The following MARCHF11 variants were observed in gnomAD, a reference collection of about 807,000 sequenced individuals.
MARCHF11 encodes E3 ubiquitin-protein ligase MARCHF11.
A neutral mutation model predicts 37.3 loss-of-function variants in MARCHF11; 29 were observed. The ratio of observed to expected loss-of-function variants is 0.78; its 90% confidence interval spans 0.58 to 1.06. MARCHF11 has a LOEUF of 1.06. Ranked by LOEUF, MARCHF11 falls within the 50% of genes least tolerant of loss-of-function variation. The pLI is 0.00. For missense variants in MARCHF11, 482 were observed against 533.4 expected (o/e 0.90, Z 0.95); for synonymous variants, 233 against 228.0 (o/e 1.02, Z -0.20).
intron 2 of MARCHF11, among the ~76,000 whole-genome samples, chr5:16,135,038 G>A (rs989732432): frequency 1.5e-4 from 21 of 138,108 alleles, no homozygotes; most frequent in African/African-American, 4.7e-4. Flanking sequence ...ATGCAAACAC[G>A]CACACATAGT....
Position 16,067,723 on chromosome 5 carries a change from C to G in MARCHF11, c.957G>C (p.Trp319Cys). 3 of 1,613,854 alleles carry G rather than the reference C, an allele frequency of 1.9e-6. No homozygotes were observed. Among genetic ancestry groups the G allele is most frequent in the Non-Finnish European group, 2.5e-6 (3 of 1,179,838 alleles). ...FKRWRAVNLH[W>C]DVLNYDKATD... ...TGGCTTTGTCATAATTTAACACATC[C>G]CAGTGCAAATTCACAGCTCGCCAGC... Residue 319 changes from tryptophan (W) to cysteine (C), a missense_variant, in exon 4 of 4, where the codon TGG (tryptophan) becomes TGC (cysteine). Transcript: ENST00000332432.
intron 2 of MARCHF11, among the ~76,000 whole-genome samples, chr5:16,174,015 G>C (rs1738315583): frequency 6.6e-6 from 1 of 152,146 alleles, no homozygotes; most frequent in Non-Finnish European, 1.5e-5. Context: ...TTTATAGAAA[G>C]TTTAAAATTT....
chr5:16,140,729 T>A (rs981568042), intron 2 of MARCHF11, among the ~76,000 whole-genome samples: 56 of 152,300 alleles, frequency 3.7e-4, no homozygotes, highest in African/African-American at 1.3e-3. Flanking sequence ...AACAAAATTG[T>A]GCAACACTGT....
At chr5:16,098,425 C>T (rs958661215) in intron 2 of MARCHF11, among the ~76,000 whole-genome samples, 1 of 152,242 alleles carries the variant, frequency 6.6e-6, no homozygotes, top group African/African-American at 2.4e-5. Context: ...AGGGAATTTA[C>T]AAGAAAACCT....
chr5:16,110,407 C>G (rs1307470440), intron 2 of MARCHF11, among the ~76,000 whole-genome samples: 1 of 152,102 alleles, frequency 6.6e-6, no homozygotes, highest in African/African-American at 2.4e-5. Flanking sequence ...AGTCCACCTA[C>G]TTTTGCATTT....
At chr5:16,140,682 G>A (rs141951638) in intron 2 of MARCHF11, among the ~76,000 whole-genome samples, 9 of 152,188 alleles carry the variant, frequency 5.9e-5, no homozygotes, top group African/African-American at 2.2e-4. Flanking sequence ...CTTCCCTTAC[G>A]TTCTCAACAT....
chr5:16,160,125 T>G lies in MARCHF11; in HGVS notation c.693+17601A>C, dbSNP rs1738045697. ...CTGCTTTCAGATACATTAATCCAAATAAGTGATATTCTCTAAAGAATTTTT... is the reference window on the plus strand; with the variant it reads ...CTGCTTTCAGATACATTAATCCAAAGAAGTGATATTCTCTAAAGAATTTTT... On this transcript the variant is annotated intron_variant, in intron 2 of 3. Coordinates refer to ENST00000332432, the MANE Select transcript of MARCHF11 (RefSeq NM_001102562.3). 2.0e-5 allele frequency among the ~76,000 whole-genome samples: 3 copies of G among 151,210 alleles called. No individual in the cohort carries two copies. In the South Asian group the frequency reaches 6.2e-4, roughly 31 times the overall value.
At chr5:16,101,205 C>G (rs1198994334) in intron 2 of MARCHF11, among the ~76,000 whole-genome samples, 1 of 152,026 alleles carries the variant, frequency 6.6e-6, no homozygotes, top group Non-Finnish European at 1.5e-5. Context: ...CTTATTAGTC[C>G]AGATTTAACA....
intron 3 of MARCHF11, among the ~76,000 whole-genome samples, chr5:16,074,263 G>A (rs1379070572): frequency 6.6e-6 from 1 of 152,092 alleles, no homozygotes; most frequent in Non-Finnish European, 1.5e-5. Flanking sequence ...GGTGCCAAGA[G>A]GAAAGTTCAT....
intron 2 of MARCHF11, among the ~76,000 whole-genome samples, chr5:16,127,458 G>A (rs990912686): frequency 6.6e-6 from 1 of 152,164 alleles, no homozygotes; most frequent in African/African-American, 2.4e-5. Context: ...TGAGCAAACG[G>A]AACTTTTTAC....
intron 3 of MARCHF11, among the ~76,000 whole-genome samples, chr5:16,080,633 C>A (rs1736592351): frequency 6.6e-6 from 1 of 152,178 alleles, no homozygotes; most frequent in Admixed American, 6.5e-5. Flanking sequence ...CCCAGTCAGC[C>A]TCTGTGAATG....
At position 16,086,209 on chromosome 5, in the gene MARCHF11, AT is replaced by A. The variant is rs1004965572; in HGVS notation, c.886+4679del. Among the ~76,000 whole-genome samples the A allele has an allele frequency of 3.9e-4, 60 of 152,176 alleles. 1 individual carries two copies. The highest frequency in any genetic ancestry group is 3.1e-3 in the Admixed American group (48 of 15,282). ...CTATTTTCTCAACACCATGTACAGT[AT>A]GATCTCACTTATAAATAAAATGCGG... On this transcript the variant is annotated intron_variant, in intron 3 of 3. Transcript: ENST00000332432.
rs561598460 is a variant in MARCHF11, at chr5:16,121,614, C to T, written c.694-30533G>A. Among the ~76,000 whole-genome samples, 61 of 152,254 alleles carry T rather than the reference C, an allele frequency of 4.0e-4. No homozygotes were observed. The Middle Eastern group carries it at 0.01, about 25-fold the overall frequency. ...TGAAGAGGTGACATTTGAGTGGATA[C>T]CTGAATAAATTCAAGTTCTTCTAAT... On this transcript the variant is annotated intron_variant, in intron 2 of 3. Coordinates refer to ENST00000332432, the MANE Select transcript of MARCHF11 (RefSeq NM_001102562.3).
In MARCHF11 at chr5:16,179,416, C is replaced by A; in HGVS notation, c.160G>T (p.Ala54Ser). The A allele has an allele frequency of 8.9e-7, 1 of 1,124,800 alleles. No homozygotes were observed. The highest frequency in any genetic ancestry group is 1.1e-6 in the Non-Finnish European group (1 of 920,536). The allele number at this position is 1,124,800 out of a possible 1,614,324, so 69.7% of individuals were successfully genotyped here. Residue 54 changes from alanine (A) to serine (S), a missense_variant, in exon 1 of 4, where the codon GCG becomes TCG. Transcript: ENST00000332432. ...AAPRYLPPLP[A>S]SPETPERAAG... The stretch of plus-strand genomic sequence containing the variant: ...GCGCGCTCGGGGGTCTCGGGGGACG[C>A]GGGCAGCGGCGGCAGGTAGCGCGGG...
intron 2 of MARCHF11, among the ~76,000 whole-genome samples, chr5:16,140,483 G>A (rs560820245): frequency 2.0e-5 from 3 of 152,158 alleles, no homozygotes; most frequent in East Asian, 1.9e-4. Context: ...TACCCCTCCC[G>A]AAATGCACCA....
At chr5:16,101,842 G>A (rs1736964038) in intron 2 of MARCHF11, among the ~76,000 whole-genome samples, 1 of 152,154 alleles carries the variant, frequency 6.6e-6, no homozygotes, top group African/African-American at 2.4e-5. Flanking sequence ...AGTTCATGTA[G>A]GCCAATGCAA....
At chr5:16,119,894 C>T (rs1007860316) in intron 2 of MARCHF11, among the ~76,000 whole-genome samples, 2 of 152,204 alleles carry the variant, frequency 1.3e-5, no homozygotes, top group African/African-American at 2.4e-5. Context: ...AATGAATGCG[C>T]TTAAAATGCA....
chr5:16,080,161 T>G (rs1736583839), intron 3 of MARCHF11, among the ~76,000 whole-genome samples: 1 of 152,214 alleles, frequency 6.6e-6, no homozygotes. Flanking sequence ...CCAGCCATTC[T>G]CAATTCACTG....
At chr5:16,081,338 T>A (rs1194341013) in intron 3 of MARCHF11, among the ~76,000 whole-genome samples, 1 of 152,182 alleles carries the variant, frequency 6.6e-6, no homozygotes, top group Non-Finnish European at 1.5e-5. Context: ...TGTCACAACT[T>A]CTCATCAACA....
Sources: allele counts gnomAD v4.1 joint callset (sites outside exome capture counted in the v4.1 genomes callset), GRCh38; gene constraint gnomAD v4.1.1; transcripts MANE v1.5; gene names NCBI Gene and HGNC (gene_info 2026-07-23, HGNC 2026-07-21).